CFAP210: variants seen among roughly 807,000 people sequenced by gnomAD.
CFAP210 encodes the protein cilia- and flagella- associated protein 210.
the CFAP210 span, chr2:169,646,081 G>A: frequency 6.2e-7 from 1 of 1,613,818 alleles, no homozygotes; most frequent in African/African-American, 1.3e-5. Flanking sequence ...CTCTGGCATA[G>A]TCCTGAAATT....
At chr2:169,651,441 C>T in the CFAP210 span, among the ~76,000 whole-genome samples, 1 of 151,780 alleles carries the variant, frequency 6.6e-6, no homozygotes, top group Non-Finnish European at 1.5e-5. Flanking sequence ...GTCACCCAGG[C>T]TGGAGTGCAG....
the CFAP210 span, chr2:169,659,107 A>G: frequency 5.3e-5 from 8 of 152,356 alleles, no homozygotes; most frequent in African/African-American, 1.9e-4. Context: ...CAACAGAGCA[A>G]GACCCTATCT....
chr2:169,650,298 C>G, the CFAP210 span: 1 of 1,517,628 alleles, frequency 6.6e-7, no homozygotes, highest in Non-Finnish European at 8.8e-7. Flanking sequence ...CTCTGTCTTT[C>G]TATTTTTATT....
At chr2:169,645,963 C>T in the CFAP210 span, 2 of 1,613,984 alleles carry the variant, frequency 1.2e-6, no homozygotes, top group Admixed American at 1.7e-5. Context: ...CTTAATCCAC[C>T]TCTGTCCACA....
the CFAP210 span, among the ~76,000 whole-genome samples, chr2:169,679,503 C>A: frequency 6.6e-6 from 1 of 151,830 alleles, no homozygotes; most frequent in South Asian, 2.1e-4. Flanking sequence ...ATGGTGAAAA[C>A]CCATCTCTAC....
At chr2:169,657,230 G>T in the CFAP210 span, among the ~76,000 whole-genome samples, 2 of 151,778 alleles carry the variant, frequency 1.3e-5, no homozygotes, top group African/African-American at 4.8e-5. Context: ...AAATGGGAGG[G>T]GACAAAATTA....
chr2:169,664,129 C>T, the CFAP210 span, among the ~76,000 whole-genome samples: 1 of 151,754 alleles, frequency 6.6e-6, no homozygotes, highest in Non-Finnish European at 1.5e-5. Flanking sequence ...ACCTGGGTGG[C>T]AGAGATTGCA....
the CFAP210 span, chr2:169,650,342 T>C: frequency 2.6e-5 from 41 of 1,592,338 alleles, no homozygotes; most frequent in Admixed American, 3.7e-5. Context: ...AATGGCTCGA[T>C]ATTCTGCAAT....
the CFAP210 span, among the ~76,000 whole-genome samples, chr2:169,659,532 C>G: frequency 6.6e-6 from 1 of 152,264 alleles, no homozygotes; most frequent in East Asian, 1.9e-4. Flanking sequence ...AGAATTCACT[C>G]ACAAGACAGC....
chr2:169,691,804 G>A, the CFAP210 span, among the ~76,000 whole-genome samples: 1 of 152,016 alleles, frequency 6.6e-6, no homozygotes, highest in African/African-American at 2.4e-5. Context: ...GTTTGTTTCA[G>A]GACTTCTCTG....
chr2:169,656,898 G>C, the CFAP210 span, among the ~76,000 whole-genome samples: 2 of 137,796 alleles, frequency 1.5e-5, no homozygotes, highest in Non-Finnish European at 3.1e-5. Context: ...CTGGGAGGCA[G>C]AGGTTGCAGT....
At chr2:169,651,302 G>A in the CFAP210 span, among the ~76,000 whole-genome samples, 1 of 151,718 alleles carries the variant, frequency 6.6e-6, no homozygotes. Flanking sequence ...GGCTGAGGCA[G>A]GAGGACTGCT....
At chr2:169,666,273 A>G in the CFAP210 span, among the ~76,000 whole-genome samples, 5 of 151,800 alleles carry the variant, frequency 3.3e-5, no homozygotes, top group Non-Finnish European at 7.4e-5. Context: ...CCTAGTATTT[A>G]TTGAATTTCT....
At chr2:169,649,365 A>C in the CFAP210 span, 1 of 1,601,030 alleles carries the variant, frequency 6.2e-7, no homozygotes, top group East Asian at 2.2e-5. Context: ...TTAAAGGCAA[A>C]GGAAACATAT....
At chr2:169,665,610 T>C in the CFAP210 span, among the ~76,000 whole-genome samples, 1 of 152,116 alleles carries the variant, frequency 6.6e-6, no homozygotes, top group Admixed American at 6.6e-5. Flanking sequence ...AGTATAAAAA[T>C]ACGTTGCCAG....
chr2:169,652,395 A>G, the CFAP210 span, among the ~76,000 whole-genome samples: 1 of 152,242 alleles, frequency 6.6e-6, no homozygotes, highest in Non-Finnish European at 1.5e-5. Flanking sequence ...ATTGCTTACT[A>G]TGCTCCTGAC....
the CFAP210 span, among the ~76,000 whole-genome samples, chr2:169,646,942 A>C: frequency 1.1e-4 from 16 of 152,156 alleles, no homozygotes; most frequent in Non-Finnish European, 7.4e-5. Context: ...ACTACTTAGG[A>C]ATATATTTAA....
At chr2:169,678,359 A>AAAAAG in the CFAP210 span, among the ~76,000 whole-genome samples, 18 of 145,832 alleles carry the variant, frequency 1.2e-4, no homozygotes, top group East Asian at 2.0e-4. Flanking sequence ...AAAAAAAAAA[A>AAAAAG]AAAAGAAAGA....
chr2:169,682,439 G>A, the CFAP210 span, among the ~76,000 whole-genome samples: 1 of 151,988 alleles, frequency 6.6e-6, no homozygotes, highest in Non-Finnish European at 1.5e-5. Flanking sequence ...TTGAATCTTC[G>A]CCACTGTTGC....
Sources: gnomAD v4.1 joint callset for allele counts (sites outside exome capture counted in the v4.1 genomes callset) on GRCh38, gnomAD v4.1.1 for gene constraint, MANE v1.5 for transcripts, NCBI Gene and HGNC (gene_info 2026-07-23, HGNC 2026-07-21) for gene names.